CREM: variants seen among roughly 807,000 people sequenced by gnomAD.
CREM encodes cAMP responsive element modulator, also known as cAMP-responsive element modulator.
CREM carries 13 observed loss-of-function variants against 37.3 expected under a neutral mutation model. The observed-to-expected ratio is 0.35, with a 90% CI of 0.23 to 0.55. The LOEUF is 0.55. Ranked by LOEUF, CREM falls within the 20% of genes least tolerant of loss-of-function variation. The pLI is 0.88. For synonymous variants in CREM, 124 were observed against 120.2 expected, an observed-to-expected ratio of 1.03 and a Z score of -0.21; for missense variants, 296 against 362.3, an observed-to-expected ratio of 0.82 and a Z score of 1.49.
intron 3 of CREM, among the ~76,000 whole-genome samples, chr10:35,162,611 G>A (rs2060062508): frequency 6.6e-6 from 1 of 151,946 alleles, no homozygotes; most frequent in Non-Finnish European, 1.5e-5. Flanking sequence ...TCCTTGCCCA[G>A]TCTTTCTCTC....
chr10:35,159,149 T>C (rs1476265180), intron 3 of CREM, among the ~76,000 whole-genome samples: 2 of 152,206 alleles, frequency 1.3e-5, no homozygotes, highest in Admixed American at 1.3e-4. Flanking sequence ...AATATTGGTA[T>C]AGTTGTTTGG....
intron 2 of CREM, among the ~76,000 whole-genome samples, chr10:35,138,583 A>G (rs1235808491): frequency 2.0e-5 from 3 of 150,356 alleles, no homozygotes; most frequent in Non-Finnish European, 3.0e-5. Context: ...CTGGTGTGCA[A>G]TGGCACAATC....
intron 6 of CREM, chr10:35,195,787 C>T (rs536728020): frequency 2.0e-6 from 1 of 494,314 alleles, no homozygotes; most frequent in South Asian, 2.4e-5. Flanking sequence ...GATGTCATTA[C>T]ATTTCCTGGA....
chr10:35,196,887 T>TTTTTTTTTTTAAG, intron 6 of CREM, among the ~76,000 whole-genome samples: 1 of 147,950 alleles, frequency 6.8e-6, no homozygotes, highest in South Asian at 2.2e-4. Flanking sequence ...TTTTTTTTTT[T>TTTTTTTTTTTAAG]GAGACGGGGT....
chr10:35,156,929 G>A (rs183709712), intron 3 of CREM, among the ~76,000 whole-genome samples: 3 of 152,202 alleles, frequency 2.0e-5, no homozygotes, highest in African/African-American at 7.2e-5. Flanking sequence ...TGCATATAAA[G>A]ATGCAACAAC....
intron 1 of CREM, among the ~76,000 whole-genome samples, chr10:35,130,219 AT>A (rs1217357370): frequency 0.022 from 3,109 of 141,444 alleles, 100 homozygotes; most frequent in African/African-American, 0.079. Flanking sequence ...AAAAAAAAAA[AT>A]TTTTTTTGGA....
At chr10:35,134,678 T>C (rs752264835) in intron 1 of CREM, among the ~76,000 whole-genome samples, 8 of 152,238 alleles carry the variant, frequency 5.3e-5, no homozygotes. Context: ...AAATGTCCTT[T>C]ATAGCATAAT....
intron 6 of CREM, among the ~76,000 whole-genome samples, chr10:35,205,618 G>C (rs1025471014): frequency 2.0e-5 from 3 of 152,168 alleles, no homozygotes; most frequent in Non-Finnish European, 4.4e-5. Context: ...GGAAATTTTT[G>C]CAGTGGTGTG....
intron 3 of CREM, among the ~76,000 whole-genome samples, chr10:35,175,316 G>T (rs1370935918): frequency 2.0e-5 from 3 of 152,092 alleles, no homozygotes; most frequent in African/African-American, 4.8e-5. Flanking sequence ...CGTGGTGGCG[G>T]GCACCTGTAG....
chr10:35,127,114 C>G lies in CREM; in HGVS notation c.-134C>G, dbSNP rs16935886. The G allele has an allele frequency of 3.2e-4, 49 of 152,888 alleles. No individual in the cohort carries two copies. The highest frequency in any genetic ancestry group is 1.2e-3 in the East Asian group (6 of 5,192). The allele number at this position is 152,888 out of a possible 1,614,324, so 9.5% of individuals were successfully genotyped here. A position where few individuals can be genotyped will look rare whatever the true frequency, so the allele number is the denominator to read the frequency against. Reference sequence around the variant, plus strand: ...GCTGGGCGGCGGCGCCGCTGCTGAGCGGCGGTCGGGCTCGCCGTCTCCACC... The same window carrying G: ...GCTGGGCGGCGGCGCCGCTGCTGAGGGGCGGTCGGGCTCGCCGTCTCCACC... On this transcript the variant is annotated 5_prime_UTR_variant, in exon 1 of 8. Transcript: ENST00000685392.
intron 6 of CREM, among the ~76,000 whole-genome samples, chr10:35,190,302 T>C (rs1282051180): frequency 6.6e-6 from 1 of 152,232 alleles, no homozygotes; most frequent in African/African-American, 2.4e-5. Context: ...CTTTAATGTA[T>C]CTGGGCTTCA....
intron 5 of CREM, 34 bp from the exon 6 acceptor site, chr10:35,188,166 A>C (rs770822344): frequency 1.3e-6 from 2 of 1,571,318 alleles, no homozygotes; most frequent in Non-Finnish European, 1.7e-6. Context: ...TAAATCTTGA[A>C]ATTCTCTAAT....
intron 3 of CREM, among the ~76,000 whole-genome samples, chr10:35,169,966 T>TTTC (rs2093727333): frequency 1.5e-5 from 1 of 65,288 alleles, no homozygotes; most frequent in Admixed American, 1.5e-4. Context: ...GTGGAGAAGC[T>TTTC]TTTTTTTTTT....
At chr10:35,134,689 C>T (rs566505265) in intron 1 of CREM, among the ~76,000 whole-genome samples, 1 of 152,070 alleles carries the variant, frequency 6.6e-6, no homozygotes, top group African/African-American at 2.4e-5. Context: ...ATAGCATAAT[C>T]AACATATTTT....
chr10:35,186,947 T>TTA (rs549549984), intron 5 of CREM, among the ~76,000 whole-genome samples: 2,128 of 98,288 alleles, frequency 0.022, 88 homozygotes, highest in African/African-American at 0.084. Flanking sequence ...ACAATATAAA[T>TTA]TATATATATA....
intron 1 of CREM, among the ~76,000 whole-genome samples, chr10:35,129,148 A>G (rs999865741): frequency 2.6e-5 from 4 of 152,234 alleles, no homozygotes; most frequent in Admixed American, 6.5e-5. Flanking sequence ...GGTGATGGAT[A>G]TGGAATCATT....
At chr10:35,195,316 T>C in intron 6 of CREM, 2 of 1,385,478 alleles carry the variant, frequency 1.4e-6, no homozygotes, top group South Asian at 2.4e-5. Flanking sequence ...GTTACTCTCC[T>C]AGTCACTTAG....
At chr10:35,195,907 ATGC>A in intron 6 of CREM, 2 of 666,172 alleles carry the variant, frequency 3.0e-6, no homozygotes, top group South Asian at 3.7e-5. Flanking sequence ...GCTTTGTAAA[ATGC>A]TGCTGACAGA....
At chr10:35,132,216 A>T (rs2089552646) in intron 1 of CREM, among the ~76,000 whole-genome samples, 1 of 112,806 alleles carries the variant, frequency 8.9e-6, no homozygotes, top group African/African-American at 2.8e-5. Context: ...AAAAAAAAAA[A>T]AGAAAAAAAA....
Sources: gnomAD v4.1 joint callset for allele counts (sites outside exome capture counted in the v4.1 genomes callset) on GRCh38, gnomAD v4.1.1 for gene constraint, MANE v1.5 for transcripts, NCBI Gene and HGNC (gene_info 2026-07-23, HGNC 2026-07-21) for gene names.